Variants in RBFOX1 observed in about 807,000 individuals in gnomAD.
RBFOX1 encodes RNA binding protein fox-1 homolog 1.
RBFOX1 carries 8 observed loss-of-function variants against 57.7 expected under a neutral mutation model. That is an observed-to-expected ratio of 0.14 (90% CI 0.08 to 0.25). The LOEUF is 0.25. RBFOX1 is among the 10% of genes least tolerant of loss of function. The probability of loss-of-function intolerance (pLI) is 1.00; values close to 1 mark genes in which losing one functional copy is unlikely to be tolerated. For missense variants in RBFOX1, 611 were observed against 548.5 expected (o/e 1.11, Z -1.14); for synonymous variants, 326 against 222.4 (o/e 1.47, Z -4.15).
At chr16:7,060,077 A>G (rs1248299076) in intron 4 of RBFOX1, among the ~76,000 whole-genome samples, 1 of 152,176 alleles carries the variant, frequency 6.6e-6, no homozygotes, top group African/African-American at 2.4e-5. Flanking sequence ...TTCCACTTTA[A>G]TCAAACCCAG....
chr16:6,810,475 A>G lies in RBFOX1; in HGVS notation c.-16+155825A>G, dbSNP rs55860541. 8.7e-3 allele frequency among the ~76,000 whole-genome samples: 1,329 copies of G among 152,198 alleles called. 20 individuals are homozygous for G. Among genetic ancestry groups the G allele is most frequent in the African/African-American group, 0.031 (1,272 of 41,518 alleles). On this transcript the variant is annotated intron_variant, in intron 3 of 15. Transcript: ENST00000550418. Reference sequence around the variant, plus strand: ...CACAAAGGTATCTAATTTTCCGTTCATGGCACCGTTCATGAGTCTTGATTC... The same window carrying G: ...CACAAAGGTATCTAATTTTCCGTTCGTGGCACCGTTCATGAGTCTTGATTC...
chr16:7,699,656 A>C (rs1194144074), intron 14 of RBFOX1, among the ~76,000 whole-genome samples: 2 of 152,230 alleles, frequency 1.3e-5, no homozygotes, highest in Admixed American at 6.5e-5. Context: ...AAATGATGTA[A>C]AATATATCAA....
chr16:6,801,272 T>C (rs2085375216), intron 3 of RBFOX1, among the ~76,000 whole-genome samples: 1 of 151,522 alleles, frequency 6.6e-6, no homozygotes, highest in African/African-American at 2.4e-5. Flanking sequence ...GGAAGTGTGA[T>C]GATGATTTTG....
chr16:6,551,167 T>C (rs2096982735), intron 2 of RBFOX1, among the ~76,000 whole-genome samples: 1 of 152,238 alleles, frequency 6.6e-6, no homozygotes, highest in East Asian at 1.9e-4. Context: ...TGTATGTCTA[T>C]ATAGATCTAG....
intron 1 of RBFOX1, among the ~76,000 whole-genome samples, chr16:6,120,271 C>T (rs1009195369): frequency 3.9e-5 from 6 of 152,152 alleles, no homozygotes; most frequent in African/African-American, 7.2e-5. Flanking sequence ...TACATGTTTT[C>T]AGTTCTTTTG....
chr16:6,752,982 C>G (rs1025162643), intron 3 of RBFOX1, among the ~76,000 whole-genome samples: 2 of 152,040 alleles, frequency 1.3e-5, no homozygotes, highest in Non-Finnish European at 1.5e-5. Flanking sequence ...GGGAAAAATA[C>G]AAATGTGCAA....
In RBFOX1 at chr16:6,095,710, A is replaced by G. The variant is rs537156238; in HGVS notation, c.-127+75718A>G. Among the ~76,000 whole-genome samples the G allele has an allele frequency of 5.1e-5, 7 of 138,554 alleles. No homozygotes were observed. The East Asian group carries it at 1.2e-3, about 24-fold the overall frequency. 90.9% of individuals were successfully genotyped at this position (138,554 alleles called of 152,430 possible). A position where few individuals can be genotyped will look rare whatever the true frequency, so the allele number is the denominator to read the frequency against. On this transcript the variant is annotated intron_variant, in intron 1 of 15. Coordinates refer to ENST00000550418, the MANE Select transcript of RBFOX1 (RefSeq NM_018723.4). Reference sequence around the variant, plus strand: ...TCTCTTCTGCGATGGAAAGAAAAAGAAAAAAAAAAAAAGACATGGAGTTGA... The same window carrying G: ...TCTCTTCTGCGATGGAAAGAAAAAGGAAAAAAAAAAAAGACATGGAGTTGA...
In RBFOX1 at chr16:6,130,108, C is replaced by T. The variant is rs565152523; in HGVS notation, c.-127+110116C>T. On this transcript the variant is annotated intron_variant, in intron 1 of 15. Transcript: ENST00000550418. The stretch of plus-strand genomic sequence containing the variant: ...GTAAAAATAGTTGAAATGGTAGACA[C>T]ATAGGTCTACCATAGGTATATTAAT... Among the ~76,000 whole-genome samples the T allele has an allele frequency of 8.5e-5, 13 of 152,184 alleles. No homozygotes were observed. In the South Asian group the frequency reaches 1.2e-3, roughly 15 times the overall value.
rs1186316156 is a variant in RBFOX1 at position 5,947,241 on chromosome 16, G to C, written c.351+79906G>C. ...TAAAACAAAACAAACCAGAAGAAAG[G>C]CTACTAAGGCTGGAGAGCACAGTGG... is the stretch of plus-strand genomic sequence containing the variant. On this transcript the variant is annotated intron_variant, in intron 4 of 19. Transcript: ENST00000641259. The surrounding 1 kb of genome is among the most constrained non-coding windows in gnomAD (Gnocchi z 7.2). Among the ~76,000 whole-genome samples the C allele has an allele frequency of 6.6e-6, 1 of 152,086 alleles. No individual in the cohort carries two copies. Among genetic ancestry groups the C allele is most frequent in the African/African-American group, 2.4e-5 (1 of 41,394 alleles).
intron 13 of RBFOX1, among the ~76,000 whole-genome samples, chr16:7,669,158 C>T (rs575157438): frequency 6.6e-6 from 1 of 152,298 alleles, no homozygotes; most frequent in African/African-American, 2.4e-5. Flanking sequence ...CCTGCCTTGG[C>T]CTCCCAAAGT....
intron 4 of RBFOX1, among the ~76,000 whole-genome samples, chr16:7,185,105 C>T (rs929584450): frequency 3.3e-5 from 5 of 152,148 alleles, no homozygotes; most frequent in African/African-American, 1.2e-4. Context: ...ATTTAAACCA[C>T]CTAACAGTGG....
chr16:5,509,918 T>C (rs974213930), intron 2 of RBFOX1, among the ~76,000 whole-genome samples: 3 of 152,186 alleles, frequency 2.0e-5, no homozygotes, highest in Non-Finnish European at 4.4e-5. Flanking sequence ...AGAGTTTGCT[T>C]GTCCTTGAAT....
At chr16:7,058,130 A>G (rs1366917099) in intron 4 of RBFOX1, among the ~76,000 whole-genome samples, 1 of 152,022 alleles carries the variant, frequency 6.6e-6, no homozygotes. Flanking sequence ...CTAGCTCTGT[A>G]TTTCTCAAAA....
intron 2 of RBFOX1, among the ~76,000 whole-genome samples, chr16:5,470,601 A>G (rs1225540334): frequency 6.6e-6 from 1 of 152,164 alleles, no homozygotes; most frequent in Admixed American, 6.5e-5. Flanking sequence ...GCCATATGAT[A>G]ACCCATCAGC....
downstream of RBFOX1, among the ~76,000 whole-genome samples, chr16:5,600,947 A>G (rs932563639): frequency 3.3e-5 from 5 of 152,156 alleles, no homozygotes; most frequent in African/African-American, 1.2e-4. Context: ...ACTCAAAGTA[A>G]TTGCCCATGG....
Position 6,619,687 on chromosome 16 carries a change from C to CTT in RBFOX1, c.-63-34896_-63-34895dup, listed in dbSNP as rs34849467. Among the ~76,000 whole-genome samples, 893 of 117,908 alleles carry CTT rather than the reference C, an allele frequency of 7.6e-3. 8 individuals are homozygous for CTT. The highest frequency in any genetic ancestry group is 0.025 in the African/African-American group (794 of 31,326). 77.4% of individuals were successfully genotyped at this position (117,908 alleles called of 152,430 possible). On this transcript the variant is annotated intron_variant, in intron 2 of 15. Transcript: ENST00000550418. ...AACTGCTTTCATCTTTGTTGGTTTC[C>CTT]TTTTTTTTTTTTTTTTTTTTTAATA...
chr16:6,406,709 G>A (rs2093293093), intron 2 of RBFOX1, among the ~76,000 whole-genome samples: 1 of 152,054 alleles, frequency 6.6e-6, no homozygotes. Context: ...GCTGTGGATA[G>A]AGGATGCTGG....
intron 4 of RBFOX1, among the ~76,000 whole-genome samples, chr16:7,067,951 A>AT (rs60401242): frequency 0.21 from 25,054 of 120,976 alleles, 4,867 homozygotes; most frequent in African/African-American, 0.5. Flanking sequence ...AGAGGGCGCC[A>AT]TTTTTTTTTT....
intron 2 of RBFOX1, among the ~76,000 whole-genome samples, chr16:5,536,153 T>C (rs1025437889): frequency 5.4e-5 from 8 of 147,080 alleles, no homozygotes; most frequent in Admixed American, 5.4e-4. Context: ...CTTATTTCTC[T>C]CCTCTCATAT....
Sources: gnomAD v4.1 joint callset for allele counts (sites outside exome capture counted in the v4.1 genomes callset) on GRCh38, gnomAD v4.1.1 for gene constraint, Gnocchi (gnomAD v3.1) non-coding constraint, MANE v1.5 for transcripts, NCBI Gene and HGNC (gene_info 2026-07-23, HGNC 2026-07-21) for gene names.